The following RALYL variants were observed in gnomAD, a reference collection of about 807,000 sequenced individuals.
RALYL encodes RALY RNA binding protein like.
A neutral mutation model predicts 35.1 loss-of-function variants in RALYL; 29 were observed. That is an observed-to-expected ratio of 0.83 (90% CI 0.61 to 1.13). RALYL has a LOEUF of 1.13. Ranked by LOEUF, RALYL falls within the 50% of genes most tolerant of loss-of-function variation. The pLI is 0.00. For synonymous variants in RALYL, 120 were observed against 127.6 expected (o/e 0.94, Z 0.40); for missense variants, 359 against 360.4 (o/e 1.00, Z 0.03).
intron 2 of RALYL, among the ~76,000 whole-genome samples, chr8:84,773,562 T>C (rs543674982): frequency 1.3e-4 from 20 of 152,172 alleles, no homozygotes; most frequent in Non-Finnish European, 2.5e-4. Flanking sequence ...TTGAGGTTGG[T>C]CAGTTGTATG....
intron 1 of RALYL, among the ~76,000 whole-genome samples, chr8:84,405,374 A>G (rs760909530): frequency 6.6e-6 from 1 of 152,164 alleles, no homozygotes; most frequent in Non-Finnish European, 1.5e-5. Context: ...CATTACTGAA[A>G]GATCCAGAGA....
At chr8:84,206,920 T>C (rs1818189834) in intron 1 of RALYL, among the ~76,000 whole-genome samples, 1 of 152,084 alleles carries the variant, frequency 6.6e-6, no homozygotes, top group Non-Finnish European at 1.5e-5. Flanking sequence ...ATATGAAAAA[T>C]GCTCAATGTT....
intron 8 of RALYL, among the ~76,000 whole-genome samples, chr8:84,906,294 C>A (rs1441150696): frequency 5.3e-5 from 8 of 151,784 alleles, no homozygotes; most frequent in Admixed American, 5.3e-4. Context: ...TTTTTTCTAG[C>A]TATTTTTTAA....
chr8:84,396,605 T>C (rs963955769), intron 1 of RALYL, among the ~76,000 whole-genome samples: 17 of 152,128 alleles, frequency 1.1e-4, no homozygotes, highest in African/African-American at 3.4e-4. Flanking sequence ...TTGTTAATTA[T>C]AGTTAATTAA....
At chr8:84,542,648 G>A (rs1047459511) in intron 2 of RALYL, among the ~76,000 whole-genome samples, 14 of 152,100 alleles carry the variant, frequency 9.2e-5, no homozygotes, top group African/African-American at 2.4e-4. Context: ...TGCCATGATT[G>A]TAAGTTTCCT....
At chr8:84,491,742 G>A (rs1391479439) in intron 1 of RALYL, among the ~76,000 whole-genome samples, 1 of 151,948 alleles carries the variant, frequency 6.6e-6, no homozygotes, top group Non-Finnish European at 1.5e-5. Flanking sequence ...TGTCTTATAA[G>A]ATAAATAGTT....
chr8:84,798,452 G>A (rs1003071326), intron 3 of RALYL, among the ~76,000 whole-genome samples: 1 of 152,162 alleles, frequency 6.6e-6, no homozygotes, highest in Non-Finnish European at 1.5e-5. Flanking sequence ...AGCTCTTTGA[G>A]ATAGGTCTAC....
At chr8:84,761,257 CT>C (rs1812625867) in intron 2 of RALYL, among the ~76,000 whole-genome samples, 1 of 151,428 alleles carries the variant, frequency 6.6e-6, no homozygotes, top group South Asian at 2.1e-4. Context: ...CTTTAAAGAC[CT>C]TTAAAATTGT....
intron 1 of RALYL, among the ~76,000 whole-genome samples, chr8:84,311,053 C>CAA (rs34029529): frequency 0.027 from 257 of 9,530 alleles, 107 homozygotes; most frequent in East Asian, 0.098. Flanking sequence ...GACTCCGTCT[C>CAA]AAAAAAAAAA....
At chr8:84,203,768 A>G (rs1412491174) in intron 1 of RALYL, among the ~76,000 whole-genome samples, 2 of 152,110 alleles carry the variant, frequency 1.3e-5, no homozygotes, top group Non-Finnish European at 2.9e-5. Context: ...CTTCTTAAAG[A>G]TAGGTATTGT....
rs186620990 is a variant in RALYL at position 84,591,143 on chromosome 8, A to G, written c.256+61566A>G. Among the ~76,000 whole-genome samples the G allele has an allele frequency of 3.3e-5, 5 of 152,290 alleles. No homozygotes were observed. In the East Asian group the frequency reaches 9.7e-4, roughly 29 times the overall value. ...ATAGCATATAAGAGAAATATTTATTATAGTATTAAAATAACATTTTCCTGA... is the reference window on the plus strand; with the variant it reads ...ATAGCATATAAGAGAAATATTTATTGTAGTATTAAAATAACATTTTCCTGA... On this transcript the variant is annotated intron_variant, in intron 2 of 8. Transcript: ENST00000521268.
intron 8 of RALYL, among the ~76,000 whole-genome samples, chr8:84,895,194 G>A (rs1399648496): frequency 6.6e-6 from 1 of 152,066 alleles, no homozygotes; most frequent in Non-Finnish European, 1.5e-5. Flanking sequence ...TCCATCATAA[G>A]CTATCTTCCC....
chr8:84,275,730 C>G (rs539662815), intron 1 of RALYL, among the ~76,000 whole-genome samples: 2 of 152,014 alleles, frequency 1.3e-5, no homozygotes, highest in Non-Finnish European at 2.9e-5. Flanking sequence ...ACTTTCTACT[C>G]GGTGAGATCA....
intron 1 of RALYL, among the ~76,000 whole-genome samples, chr8:84,469,340 T>G (rs2052314781): frequency 6.6e-6 from 1 of 152,106 alleles, no homozygotes; most frequent in Non-Finnish European, 1.5e-5. Context: ...GTCCTTTCTG[T>G]TTGTTAGTTT....
chr8:84,787,793 T>C (rs1819887735), intron 3 of RALYL, among the ~76,000 whole-genome samples: 1 of 152,266 alleles, frequency 6.6e-6, no homozygotes, highest in East Asian at 1.9e-4. Context: ...CTTTGTTTCA[T>C]ATGTCTGTTG....
At chr8:84,773,217 C>T (rs1001624119) in intron 2 of RALYL, among the ~76,000 whole-genome samples, 1 of 152,172 alleles carries the variant, frequency 6.6e-6, no homozygotes, top group African/African-American at 2.4e-5. Context: ...TTCCTGTTTC[C>T]ACTCAGGTGG....
intron 2 of RALYL, among the ~76,000 whole-genome samples, chr8:84,530,146 T>C (rs988130239): frequency 6.6e-6 from 1 of 152,032 alleles, no homozygotes; most frequent in Non-Finnish European, 1.5e-5. Context: ...AATAATATAG[T>C]TTTTTTCAAA....
At chr8:84,680,661 C>T (rs1835259106) in intron 2 of RALYL, among the ~76,000 whole-genome samples, 1 of 152,258 alleles carries the variant, frequency 6.6e-6, no homozygotes, top group East Asian at 1.9e-4. Context: ...TGAGAAGTGT[C>T]TGTTCATATC....
intron 2 of RALYL, among the ~76,000 whole-genome samples, chr8:84,617,569 T>C (rs1419161521): frequency 4.0e-5 from 6 of 149,734 alleles, no homozygotes; most frequent in Admixed American, 2.0e-4. Context: ...CTTTTCCTAA[T>C]TGAATACCCT....
Sources: gnomAD v4.1 joint callset for allele counts (sites outside exome capture counted in the v4.1 genomes callset) on GRCh38, gnomAD v4.1.1 for gene constraint, MANE v1.5 for transcripts, NCBI Gene and HGNC (gene_info 2026-07-23, HGNC 2026-07-21) for gene names.